Variants in PCSK2 observed in about 807,000 individuals in gnomAD.
The protein encoded by PCSK2 is neuroendocrine convertase 2.
PCSK2 carries 14 observed loss-of-function variants against 69.7 expected under a neutral mutation model. That is an observed-to-expected ratio of 0.20 (90% confidence interval 0.13 to 0.31). The LOEUF is 0.31. Among genes scored for constraint, PCSK2 ranks in the 10% least tolerant of loss-of-function variants. PCSK2 has a pLI of 1.00. For missense variants in PCSK2, 544 were observed against 842.5 expected (o/e 0.65, Z 4.39); for synonymous variants, 307 against 320.7 (o/e 0.96, Z 0.46).
At chr20:17,298,360 C>T (rs545131138) in intron 2 of PCSK2, among the ~76,000 whole-genome samples, 1 of 152,120 alleles carries the variant, frequency 6.6e-6, no homozygotes, top group South Asian at 2.1e-4. Flanking sequence ...GATTTTGGCC[C>T]CAGGGGACAC....
Position 17,408,760 on chromosome 20 carries a change from T to C in PCSK2, c.544-503T>C, listed in dbSNP as rs192856631. ...GTGGACAACGTCAGGGCCTTGGGCATGGGGTTTAAAACCCATAAGGGGAAA... is the reference window on the plus strand; with the variant it reads ...GTGGACAACGTCAGGGCCTTGGGCACGGGGTTTAAAACCCATAAGGGGAAA... On this transcript the variant is annotated intron_variant, in intron 5 of 11. Transcript: ENST00000262545. Among the ~76,000 whole-genome samples the C allele has an allele frequency of 8.9e-3, 1,349 of 152,302 alleles. 13 individuals are homozygous for C. The highest frequency in any genetic ancestry group is 0.038 in the South Asian group (182 of 4,822).
chr20:17,253,673 T>C (rs111350826), intron 1 of PCSK2, among the ~76,000 whole-genome samples: 121 of 152,360 alleles, frequency 7.9e-4, no homozygotes, highest in African/African-American at 2.8e-3. Flanking sequence ...TAAACATTTG[T>C]ATACAAGAAT....
chr20:17,374,063 A>G (rs1446448009), intron 5 of PCSK2, among the ~76,000 whole-genome samples: 1 of 152,208 alleles, frequency 6.6e-6, no homozygotes, highest in Non-Finnish European at 1.5e-5. Context: ...GACCAGGTTA[A>G]AATTATAACC....
At chr20:17,382,554 CT>C (rs1480857681) in intron 5 of PCSK2, among the ~76,000 whole-genome samples, 1 of 152,148 alleles carries the variant, frequency 6.6e-6, no homozygotes, top group South Asian at 2.1e-4. Context: ...CTGCTCCCTT[CT>C]TTTTCCCCTC....
intron 1 of PCSK2, among the ~76,000 whole-genome samples, chr20:17,251,108 TA>T (rs775995399): frequency 1.1e-4 from 17 of 149,412 alleles, no homozygotes; most frequent in East Asian, 3.9e-4. Flanking sequence ...AAATTAAAAG[TA>T]AAAAAAAAAT....
At chr20:17,467,280 G>A (rs2033120057) in intron 11 of PCSK2, among the ~76,000 whole-genome samples, 1 of 152,168 alleles carries the variant, frequency 6.6e-6, no homozygotes, top group African/African-American at 2.4e-5. Context: ...TGACGTCTAT[G>A]GGCCCCATCA....
intron 1 of PCSK2, among the ~76,000 whole-genome samples, chr20:17,235,085 A>G (rs1166397967): frequency 1.3e-5 from 2 of 152,176 alleles, no homozygotes; most frequent in Non-Finnish European, 2.9e-5. Flanking sequence ...GTATTAATGG[A>G]TGGTTTATAT....
At chr20:17,435,121 T>G (rs143724745) in intron 7 of PCSK2, among the ~76,000 whole-genome samples, 207 of 152,298 alleles carry the variant, frequency 1.4e-3, no homozygotes, top group African/African-American at 4.9e-3. Context: ...GTGATTACAC[T>G]TATGGGTTAA....
intron 5 of PCSK2, among the ~76,000 whole-genome samples, chr20:17,387,155 C>T (rs972200981): frequency 6.6e-5 from 10 of 152,138 alleles, no homozygotes; most frequent in Admixed American, 5.9e-4. Flanking sequence ...CTCTGTTGTA[C>T]ACGTTGTACA....
At chr20:17,404,941 A>G (rs2031721569) in intron 5 of PCSK2, among the ~76,000 whole-genome samples, 1 of 152,200 alleles carries the variant, frequency 6.6e-6, no homozygotes, top group Admixed American at 6.5e-5. Context: ...CTGTGTTCCG[A>G]TACAACTTTA....
chr20:17,420,501 G>C (rs1311415263), intron 6 of PCSK2, among the ~76,000 whole-genome samples: 1 of 152,094 alleles, frequency 6.6e-6, no homozygotes, highest in Non-Finnish European at 1.5e-5. Context: ...TAAATTTCTA[G>C]TCCCCTACCT....
intron 5 of PCSK2, among the ~76,000 whole-genome samples, chr20:17,380,177 T>A (rs1290410003): frequency 6.6e-6 from 1 of 152,226 alleles, no homozygotes; most frequent in Non-Finnish European, 1.5e-5. Flanking sequence ...GCCACTATGT[T>A]TGTAATAATT....
chr20:17,461,062 G>C (rs530557232), intron 10 of PCSK2, among the ~76,000 whole-genome samples: 2 of 152,288 alleles, frequency 1.3e-5, no homozygotes, highest in Admixed American at 6.5e-5. Flanking sequence ...CCCTGCCACT[G>C]TCTTGCCTGT....
intron 2 of PCSK2, among the ~76,000 whole-genome samples, chr20:17,263,908 A>G (rs900058318): frequency 3.3e-5 from 5 of 152,248 alleles, no homozygotes; most frequent in East Asian, 1.9e-4. Flanking sequence ...AACTAAAAAT[A>G]CCTTCTCAAC....
chr20:17,446,662 T>G (rs866554682), intron 8 of PCSK2, among the ~76,000 whole-genome samples: 1 of 152,216 alleles, frequency 6.6e-6, no homozygotes, highest in Non-Finnish European at 1.5e-5. Flanking sequence ...GTGAATAGTT[T>G]GAATAAAATT....
intron 8 of PCSK2, among the ~76,000 whole-genome samples, chr20:17,448,352 G>A (rs1327176223): frequency 6.6e-6 from 1 of 152,172 alleles, no homozygotes; most frequent in African/African-American, 2.4e-5. Context: ...ATGCGCTGGG[G>A]ACACAGCAAG....
intron 2 of PCSK2, among the ~76,000 whole-genome samples, chr20:17,294,869 A>T: frequency 6.6e-6 from 1 of 152,112 alleles, no homozygotes; most frequent in South Asian, 2.1e-4. Context: ...TCTTCTTCTC[A>T]AACTCTTATT....
chr20:17,274,930 T>G (rs773798217), intron 2 of PCSK2, among the ~76,000 whole-genome samples: 7 of 152,050 alleles, frequency 4.6e-5, no homozygotes, highest in Non-Finnish European at 7.4e-5. Flanking sequence ...TACAGCATAG[T>G]CACATTGTGT....
chr20:17,453,737 C>T lies in PCSK2; in HGVS notation c.886-5C>T. 2 of 1,612,530 alleles carry T rather than the reference C, an allele frequency of 1.2e-6. No individual in the cohort carries two copies. Among genetic ancestry groups the T allele is most frequent in the African/African-American group, 1.3e-5 (1 of 75,058 alleles). On this transcript the variant is annotated splice_region_variant and splice_polypyrimidine_tract_variant and intron_variant, in intron 8 of 11. Transcript: ENST00000262545. The surrounding 1 kb of genome is among the most constrained non-coding windows in gnomAD (Gnocchi z 4.0). ...TAGCGGCAGCGTCTCCCCTGCTCTCCCCAGGGCCGCGGCGGCAAAGGCAGC... is the reference window on the plus strand; with the variant it reads ...TAGCGGCAGCGTCTCCCCTGCTCTCTCCAGGGCCGCGGCGGCAAAGGCAGC...
Sources: allele counts gnomAD v4.1 joint callset (sites outside exome capture counted in the v4.1 genomes callset), GRCh38; gene constraint gnomAD v4.1.1; non-coding constraint Gnocchi (gnomAD v3.1); transcripts MANE v1.5; gene names NCBI Gene and HGNC (gene_info 2026-07-23, HGNC 2026-07-21).